The following KIAA2012 variants were observed in gnomAD, a reference collection of about 807,000 sequenced individuals.
KIAA2012 encodes the protein KIAA2012, also known as uncharacterized protein KIAA2012.
A neutral mutation model predicts 150.6 loss-of-function variants in KIAA2012; 125 were observed. That is an observed-to-expected ratio of 0.83 (90% CI 0.72 to 0.96). The LOEUF (loss-of-function observed/expected upper bound fraction) is 0.96. Among genes scored for constraint, KIAA2012 ranks in the 40% least tolerant of loss-of-function variants. The pLI, the probability that KIAA2012 is intolerant of heterozygous loss-of-function variation, is 0.00. For synonymous variants in KIAA2012, 462 were observed against 504.7 expected (o/e 0.92, Z 1.13); for missense variants, 1,219 against 1,354.9 (o/e 0.90, Z 1.57).
At chr2:202,162,574 C>T (rs1210149502) in intron 14 of KIAA2012, among the ~76,000 whole-genome samples, 1 of 150,454 alleles carries the variant, frequency 6.6e-6, no homozygotes, top group African/African-American at 2.4e-5. Context: ...CACACTTGGC[C>T]CAGAGTCTTT....
intron 13 of KIAA2012, among the ~76,000 whole-genome samples, chr2:202,146,041 G>C (rs1166734432): frequency 6.6e-6 from 1 of 152,102 alleles, no homozygotes; most frequent in African/African-American, 2.4e-5. Context: ...ACTATGCACA[G>C]GGTTTAGGAT....
intron 11 of KIAA2012, among the ~76,000 whole-genome samples, chr2:202,117,469 G>A (rs2105932488): frequency 6.6e-6 from 1 of 152,318 alleles, no homozygotes; most frequent in Middle Eastern, 3.4e-3. Flanking sequence ...CCATCTCTTA[G>A]TAGCTGTTAC....
intron 6 of KIAA2012, 56 bp from the exon 7 acceptor site, chr2:202,100,251 C>G: frequency 6.7e-7 from 1 of 1,501,734 alleles, no homozygotes. Flanking sequence ...CAAAACTCAA[C>G]TGTTCATCCC....
chr2:202,179,486 G>A, intron 15 of KIAA2012: 1 of 705,858 alleles, frequency 1.4e-6, no homozygotes, highest in South Asian at 1.4e-5. Flanking sequence ...TGTAGACAAA[G>A]TGGAACCAAT....
At chr2:202,145,207 T>C (rs1216009107) in intron 13 of KIAA2012, among the ~76,000 whole-genome samples, 1 of 152,210 alleles carries the variant, frequency 6.6e-6, no homozygotes, top group East Asian at 1.9e-4. Flanking sequence ...AGCTGTCTTT[T>C]CCAAGACACT....
intron 19 of KIAA2012, 129 bp downstream of exon 19, chr2:202,190,622 G>T: frequency 1.4e-6 from 1 of 711,582 alleles, no homozygotes; most frequent in Non-Finnish European, 2.3e-6. Flanking sequence ...TGGTCTTATT[G>T]TTCTACTTTG....
Position 202,184,918 on chromosome 2 carries a change from GT to G in KIAA2012, c.2210+83del, listed in dbSNP as rs1221274600. 3.7e-5 allele frequency: 48 copies of G among 1,285,088 alleles called. 1 individual carries two copies. Among genetic ancestry groups the G allele is most frequent in the Middle Eastern group, 3.8e-4 (2 of 5,312 alleles). 79.6% of individuals were successfully genotyped at this position (1,285,088 alleles called of 1,614,324 possible). On this transcript the variant is annotated intron_variant, in intron 16 of 23. Transcript: ENST00000498697. ...TTGTATTTTTAATTGGTTTAGTTTG[GT>G]TTTTTTTCAGACAGGAATGGGAGTT...
chr2:202,193,541 G>C (rs1348525586), intron 20 of KIAA2012, 38 bp downstream of exon 20: 1 of 1,544,714 alleles, frequency 6.5e-7, no homozygotes, highest in East Asian at 2.4e-5. Flanking sequence ...AGCCATGTTA[G>C]GAAGCAGAAG....
At chr2:202,174,028 C>T (rs894387496) in intron 15 of KIAA2012, among the ~76,000 whole-genome samples, 1 of 152,064 alleles carries the variant, frequency 6.6e-6, no homozygotes, top group Admixed American at 6.5e-5. Context: ...TGCAACGGCA[C>T]GATCTCGGCT....
At chr2:202,186,846 C>T (rs1692237543) in intron 16 of KIAA2012, 87 bp from the exon 17 acceptor site, 1 of 1,334,932 alleles carries the variant, frequency 7.5e-7, no homozygotes, top group Non-Finnish European at 1.0e-6. Context: ...CTGCAGAGAA[C>T]AGGTGCTCGA....
rs536641908 is a variant in KIAA2012, at chr2:202,113,402, C to A, written c.1718C>A (p.Ser573Tyr). Residue 573 changes from serine (S) to tyrosine (Y), a missense_variant, in exon 11 of 24, where the codon TCC becomes TAC. Physicochemically the swap from Ser to Tyr is moderately radical, Grantham distance 144 (BLOSUM62 -2). Coordinates refer to ENST00000498697, the MANE Select transcript of KIAA2012 (RefSeq NM_001277372.4). Reference protein sequence around the residue: ...LGPDGEKVCLSLPGHTQTEAL... With the variant: ...LGPDGEKVCLYLPGHTQTEAL... ...CCAGATGGAGAAAAAGTCTGCCTGT[C>A]CCTCCCAGGGCATACCCAAACCGAG... is the stretch of plus-strand genomic sequence containing the variant. 3.8e-4 allele frequency: 590 copies of A among 1,550,600 alleles called. 1 individual carries two copies. The African/African-American group carries it at 6.9e-3, about 18-fold the overall frequency.
At chr2:202,118,753 A>G (rs1690587582) in intron 11 of KIAA2012, among the ~76,000 whole-genome samples, 1 of 152,184 alleles carries the variant, frequency 6.6e-6, no homozygotes, top group African/African-American at 2.4e-5. Flanking sequence ...CATTTGTCCC[A>G]GCCTTCAGAA....
rs764654846 is a variant in KIAA2012 at position 202,075,157 on chromosome 2, G to A, written c.351G>A (p.Leu117=). Residue 117 remains leucine (L), a synonymous_variant, in exon 2 of 24, where the codon CTG becomes CTA. Transcript: ENST00000498697. ...HTLQDLKEAI[L]AYGRQQGEQD... ...TTCAAGACCTCAAAGAAGCCATCCT[G>A]GCATATGGAAGGCAGCAGGTAGGCA... 3.2e-6 allele frequency: 5 copies of A among 1,546,256 alleles called. No homozygotes were observed. The South Asian group carries it at 4.8e-5, about 15-fold the overall frequency.
intron 12 of KIAA2012, chr2:202,136,559 T>C (rs747343250): frequency 6.6e-6 from 1 of 152,422 alleles, no homozygotes; most frequent in Admixed American, 6.5e-5. Flanking sequence ...TGCGGGACTT[T>C]GCGGCACCTA....
chr2:202,125,942 T>A, intron 12 of KIAA2012: 2 of 124,250 alleles, frequency 1.6e-5, no homozygotes, highest in Non-Finnish European at 2.7e-5. Context: ...CTGCTTTTTT[T>A]TTTTTTTTTT....
intron 11 of KIAA2012, among the ~76,000 whole-genome samples, chr2:202,122,057 C>T (rs1169595311): frequency 6.6e-6 from 1 of 152,078 alleles, no homozygotes; most frequent in Admixed American, 6.5e-5. Flanking sequence ...TGAGGAGCAG[C>T]GTGGTGTGAG....
chr2:202,197,296 A>G, intron 22 of KIAA2012: 1 of 491,362 alleles, frequency 2.0e-6, no homozygotes, highest in Non-Finnish European at 3.7e-6. Flanking sequence ...AAAGAGGGAA[A>G]GGATCTTGAT....
intron 15 of KIAA2012, among the ~76,000 whole-genome samples, chr2:202,182,843 T>G (rs369771897): frequency 2.0e-5 from 3 of 152,354 alleles, no homozygotes; most frequent in African/African-American, 7.2e-5. Flanking sequence ...ACAGTCAGTC[T>G]TTAATTTTAG....
At chr2:202,118,210 G>GC (rs1165687950) in intron 11 of KIAA2012, among the ~76,000 whole-genome samples, 15 of 152,150 alleles carry the variant, frequency 9.9e-5, no homozygotes, top group African/African-American at 3.6e-4. Flanking sequence ...AGTGTACACT[G>GC]CCCCTTGTGC....
Sources: allele counts gnomAD v4.1 joint callset (sites outside exome capture counted in the v4.1 genomes callset), GRCh38; gene constraint gnomAD v4.1.1; transcripts MANE v1.5; gene names NCBI Gene and HGNC (gene_info 2026-07-23, HGNC 2026-07-21).